The following PKD1 variants were observed in gnomAD, a reference collection of about 807,000 sequenced individuals.
PKD1 encodes the protein polycystin-1.
PKD1 carries 81 observed loss-of-function variants against 361.7 expected under a neutral mutation model. The observed-to-expected ratio is 0.22, with a 90% confidence interval of 0.19 to 0.27. The LOEUF (loss-of-function observed/expected upper bound fraction) is 0.27, where lower values mean the gene tolerates loss of function less well. Ranked by LOEUF, PKD1 falls within the 10% of genes least tolerant of loss-of-function variation. PKD1 has a pLI of 1.00. For synonymous variants in PKD1, 3,615 were observed against 2,818.3 expected (o/e 1.28, Z -8.95); for missense variants, 6,399 against 6,118.3 (o/e 1.05, Z -1.53).
At chr16:2,133,180 G>A (rs1414012062) in intron 1 of PKD1, 1 of 150,368 alleles carries the variant, frequency 6.7e-6, no homozygotes, top group Non-Finnish European at 1.5e-5. Context: ...CTGTGAGTCA[G>A]CCACGGCTCT....
intron 1 of PKD1, among the ~76,000 whole-genome samples, chr16:2,127,539 G>A (rs918508943): frequency 4.6e-5 from 7 of 152,170 alleles, no homozygotes; most frequent in African/African-American, 9.7e-5. Flanking sequence ...CTCACCCTCA[G>A]GCTGTTACAC....
In PKD1 at chr16:2,109,027, C is replaced by A; in HGVS notation, c.6140G>T (p.Gly2047Val). ...CAGCACCAGCGTGCGGTTCTCACTG[C>A]CCAGGGCGTTGAAGGCGCGCACCTG... ...EIQVRAFNAL[G>V]SENRTLVLEV... Residue 2047 changes from glycine to valine, a missense_variant, in exon 15 of 46, where the codon GGC becomes GTC. Transcript: ENST00000262304. 1 of 1,609,172 alleles carries A rather than the reference C, an allele frequency of 6.2e-7. No individual in the cohort carries two copies. The highest frequency in any genetic ancestry group is 8.5e-7 in the Non-Finnish European group (1 of 1,177,916).
rs36224524 is a variant in PKD1, at chr16:2,093,500, CAA to C, written c.11016+42_11016+43del. 17,519 of 1,546,228 alleles carry C rather than the reference CAA, an allele frequency of 0.011. 1,642 individuals carry two copies. In the African/African-American group the frequency reaches 0.2, roughly 18 times the overall value. On this transcript the variant is annotated intron_variant, in intron 37 of 45. Transcript: ENST00000262304. ...GCGTGCATGGGTGGGAGGTGGGAGA[CAA>C]GAGACGGAGGTGGCAGGGGCACAGG...
chr16:2,102,414 G>T lies in PKD1; in HGVS notation c.9168C>A (p.Phe3056Leu). 1 of 1,553,904 alleles carries T rather than the reference G, an allele frequency of 6.4e-7. No individual in the cohort carries two copies. Among genetic ancestry groups the T allele is most frequent in the Non-Finnish European group, 8.7e-7 (1 of 1,150,054 alleles). Residue 3056 changes from phenylalanine (F) to leucine (L), a missense_variant, in exon 25 of 46, where the codon TTC becomes TTA. Physicochemically the swap from Phe to Leu is conservative, Grantham distance 22. Transcript: ENST00000262304. Reference sequence around the variant, plus strand: ...CAAAGCGGACATGGCTTGGGGGCACGAAGAGGCTGGCGCCGAAGGCGGTGA... The same window carrying T: ...CAAAGCGGACATGGCTTGGGGGCACTAAGAGGCTGGCGCCGAAGGCGGTGA... ...RHLTAFGASLFVPPSHVRFVF... is the reference protein window; with the variant it reads ...RHLTAFGASLLVPPSHVRFVF...
intron 23 of PKD1, 59 bp from the exon 24 acceptor site, chr16:2,103,029 C>G (rs1314644066): frequency 6.4e-7 from 1 of 1,559,674 alleles, no homozygotes; most frequent in East Asian, 2.2e-5. Flanking sequence ...CGGGGGACAC[C>G]CACGATGGCC....
At position 2,100,916 on chromosome 16, in the gene PKD1, T is replaced by G. The variant is rs1397674030; in HGVS notation, c.9398-350A>C. On this transcript the variant is annotated intron_variant, in intron 26 of 45. Transcript: ENST00000262304. This position sits in a 1 kb window ranked among gnomAD's most constrained non-coding sequence, Gnocchi z 4.4. ...CCCGCACCACACACCCGTCCCTCAGTTCATGCACAGACTGCAAAGCGTGAA... is the reference window on the plus strand; with the variant it reads ...CCCGCACCACACACCCGTCCCTCAGGTCATGCACAGACTGCAAAGCGTGAA... Among the ~76,000 whole-genome samples, 3 of 152,104 alleles carry G rather than the reference T, an allele frequency of 2.0e-5. No individual in the cohort carries two copies. Among genetic ancestry groups the G allele is most frequent in the Admixed American group, 2.0e-4 (3 of 15,278 alleles).
At chr16:2,133,483 G>A (rs1483222819) in intron 1 of PKD1, among the ~76,000 whole-genome samples, 2 of 146,712 alleles carry the variant, frequency 1.4e-5, no homozygotes, top group Non-Finnish European at 3.0e-5. Context: ...GCTGTGATCT[G>A]TGTCCTTCAC....
Position 2,114,965 on chromosome 16 carries a change from T to C in PKD1, c.2098-40A>G, listed in dbSNP as rs781453821. 7 of 1,519,962 alleles carry C rather than the reference T, an allele frequency of 4.6e-6. No homozygotes were observed. The South Asian group carries it at 8.4e-5, about 18-fold the overall frequency. 94.2% of individuals were successfully genotyped at this position (1,519,962 alleles called of 1,614,324 possible). On this transcript the variant is annotated intron_variant, in intron 10 of 45. Transcript: ENST00000262304. ...GCAGGGCTGCATCACGTCCTCACGG[T>C]CATGGCCCGTGGACCCCCGCACGAC... is the stretch of plus-strand genomic sequence containing the variant.
intron 5 of PKD1, 30 bp from the exon 6 acceptor site, chr16:2,117,702 C>A: frequency 1.3e-6 from 2 of 1,529,660 alleles, no homozygotes; most frequent in South Asian, 2.3e-5. Context: ...AGGGTGTCAA[C>A]GGTCAGTGTG....
At position 2,092,112 on chromosome 16, in the gene PKD1, G is replaced by T. The variant is rs145955373; in HGVS notation, c.11346C>A (p.Asp3782Glu). The change falls in exon 40 of 46, where the codon GAC (aspartate) becomes GAA (glutamate). Residue 3782 changes from aspartate to glutamate, a missense_variant. Transcript: ENST00000262304. ...CATTGTGAGGACTCTCCCAGCCAAC[G>T]TCGTAATCGCTGGTGCTGAAGCCTC... ...AAGGFSTSDYDVGWESPHNGS... is the reference protein window; with the variant it reads ...AAGGFSTSDYEVGWESPHNGS... The T allele has an allele frequency of 3.7e-6, 6 of 1,612,888 alleles. No homozygotes were observed. The South Asian group carries it at 5.5e-5, about 15-fold the overall frequency.
chr16:2,109,736 C>T lies in PKD1; in HGVS notation c.5431G>A (p.Glu1811Lys), dbSNP rs778028644. The T allele has an allele frequency of 1.4e-4, 224 of 1,608,248 alleles. No individual in the cohort carries two copies. The highest frequency in any genetic ancestry group is 1.7e-4 in the Non-Finnish European group (204 of 1,178,830). ...PVSGLSIRAS[E>K]PGGSFVAAGS... ...GCCGCCACGAAGCTGCCTCCGGGCT[C>T]GCTGGCCCTGATGCTGAGGCCACTC... Residue 1811 changes from glutamate (E) to lysine (K), a missense_variant, in exon 15 of 46, where the codon GAG (glutamate) becomes AAG (lysine). Glu to Lys is a moderately conservative substitution (Grantham distance 56). Transcript: ENST00000262304.
rs1423596237 is a variant in PKD1 at position 2,121,742 on chromosome 16, T to G, written c.216-2364A>C. On this transcript the variant is annotated intron_variant, in intron 1 of 45. Transcript: ENST00000262304. ...TCCCACGCACTCCCAGTAGTGCTCC[T>G]GGCACAGGACTATGGCTCCGCAGGT... Among the ~76,000 whole-genome samples, 5 of 9,476 alleles carry G rather than the reference T, an allele frequency of 5.3e-4. No individual in the cohort carries two copies. The African/African-American group carries it at 6.9e-3, about 13-fold the overall frequency. 6.2% of individuals were successfully genotyped at this position (9,476 alleles called of 152,430 possible).
chr16:2,108,992 C>G lies in PKD1; in HGVS notation c.6175G>C (p.Asp2059His), dbSNP rs150894453. 7.6e-5 allele frequency: 122 copies of G among 1,610,308 alleles called. No individual in the cohort carries two copies. The highest frequency in any genetic ancestry group is 9.1e-5 in the Non-Finnish European group (107 of 1,179,324). The change falls in exon 15 of 46, where the codon GAC (aspartate) becomes CAC (histidine). Residue 2059 changes from aspartate (D) to histidine (H), a missense_variant. Physicochemically the swap from Asp to His is moderately conservative, Grantham distance 81. Transcript: ENST00000262304. ...ENRTLVLEVQ[D>H]AVQYVALQSG... ...TGCAGGGCCACATACTGGACGGCGT[C>G]CTGAACCTCCAGCACCAGCGTGCGG...
chr16:2,092,797 G>C, intron 38 of PKD1, 157 bp downstream of exon 38: 2 of 942,154 alleles, frequency 2.1e-6, no homozygotes, highest in Non-Finnish European at 3.4e-6. Flanking sequence ...ACACGGACCT[G>C]TGTCCCTCCC....
At position 2,090,553 on chromosome 16, in the gene PKD1, G is replaced by C. The variant is rs3209986; in HGVS notation, c.12176C>G (p.Ala4059Gly). The C allele has an allele frequency of 1.9e-6, 3 of 1,609,240 alleles. No individual in the cohort carries two copies. In the South Asian group the frequency reaches 3.3e-5, roughly 18 times the overall value. The part of the protein sequence containing the change: ...SSCVDSLWSV[A>G]QALLVLCPGT... ...AGGGCACAGCACCAACAGGGCCTGGGCCACGCTCCAGAGGGAGTCCACACA... is the reference window on the plus strand; with the variant it reads ...AGGGCACAGCACCAACAGGGCCTGGCCCACGCTCCAGAGGGAGTCCACACA... Residue 4059 changes from alanine (A) to glycine (G), a missense_variant, in exon 45 of 46, where the codon GCC (alanine) becomes GGC (glycine). Ala to Gly is a moderately conservative substitution (Grantham distance 60, BLOSUM62 0). Coordinates refer to ENST00000262304, the MANE Select transcript of PKD1 (RefSeq NM_001009944.3).
rs972049140 is a variant in PKD1, at chr16:2,135,616, C to A, written c.74G>T (p.Gly25Val). Reference sequence around the variant, plus strand: ...GCAGGGCCCGCAGCCGCGCCCGGGGCCCCCCGCCAGCGCCCCGAGCCACAG... The same window carrying A: ...GCAGGGCCCGCAGCCGCGCCCGGGGACCCCCGCCAGCGCCCCGAGCCACAG... ...LGLWLGALAG[G>V]PGRGCGPCEP... The change falls in exon 1 of 46, where the codon GGC becomes GTC. Residue 25 changes from glycine to valine, a missense_variant. Gly to Val is a moderately radical substitution (Grantham distance 109). Transcript: ENST00000262304. 5.9e-4 allele frequency: 575 copies of A among 981,904 alleles called. 1 individual carries two copies. The highest frequency in any genetic ancestry group is 6.4e-4 in the Non-Finnish European group (527 of 824,940). The allele number at this position is 981,904 out of a possible 1,614,324, so 60.8% of individuals were successfully genotyped here.
chr16:2,109,214 C>A lies in PKD1; in HGVS notation c.5953G>T (p.Ala1985Ser), dbSNP rs771005067. 2 of 1,593,978 alleles carry A rather than the reference C, an allele frequency of 1.3e-6. No individual in the cohort carries two copies. ...GTGAAGTTCCTCTCAGTGCCCGTGGCGATGCCAGGCTCGCAGCAGTTGGGC... is the reference window on the plus strand; with the variant it reads ...GTGAAGTTCCTCTCAGTGCCCGTGGAGATGCCAGGCTCGCAGCAGTTGGGC... ...QVPNCCEPGI[A>S]TGTERNFTAR... is the part of the protein sequence containing the mutation. Residue 1985 changes from alanine to serine, a missense_variant, in exon 15 of 46, where the codon GCC becomes TCC. Coordinates refer to ENST00000262304, the MANE Select transcript of PKD1 (RefSeq NM_001009944.3).
intron 1 of PKD1, among the ~76,000 whole-genome samples, chr16:2,132,733 T>A (rs2081641899): frequency 6.6e-6 from 1 of 151,834 alleles, no homozygotes. Flanking sequence ...GTCTGCAGTA[T>A]TGCGATGCCC....
intron 30 of PKD1, 133 bp downstream of exon 30, chr16:2,099,511 G>A: frequency 4.1e-6 from 3 of 734,598 alleles, no homozygotes; most frequent in South Asian, 3.0e-5. Flanking sequence ...GCTCAAGTGT[G>A]TTGACCCTTC....
Sources: allele counts gnomAD v4.1 joint callset (sites outside exome capture counted in the v4.1 genomes callset), GRCh38; gene constraint gnomAD v4.1.1; non-coding constraint Gnocchi (gnomAD v3.1); transcripts MANE v1.5; gene names NCBI Gene and HGNC (gene_info 2026-07-23, HGNC 2026-07-21).